The following BABAM2 variants were observed in gnomAD, a reference collection of about 807,000 sequenced individuals.
BABAM2 encodes BRISC and BRCA1-A complex member 2.
In BABAM2, 31 loss-of-function variants were observed where a neutral mutation model predicts 54.7. The observed-to-expected ratio is 0.57, with a 90% CI of 0.43 to 0.77. BABAM2 has a LOEUF of 0.77. Among genes scored for constraint, BABAM2 ranks in the 30% least tolerant of loss-of-function variants. BABAM2 has a pLI of 0.00. For missense variants in BABAM2, 364 were observed against 455.8 expected (o/e 0.80, Z 1.83); for synonymous variants, 167 against 162.9 (o/e 1.03, Z -0.19).
chr2:28,023,487 T>C (rs1324888012), intron 4 of BABAM2, among the ~76,000 whole-genome samples: 1 of 152,216 alleles, frequency 6.6e-6, no homozygotes. Flanking sequence ...TTGAATTTAG[T>C]CTTGAACAGC....
intron 2 of BABAM2, among the ~76,000 whole-genome samples, chr2:27,897,805 T>C (rs1665460554): frequency 6.6e-6 from 1 of 152,192 alleles, no homozygotes; most frequent in Admixed American, 6.5e-5. Flanking sequence ...CACATTATTA[T>C]AGACAATCTA....
chr2:28,195,436 A>G (rs1677413384), intron 7 of BABAM2, among the ~76,000 whole-genome samples: 1 of 152,188 alleles, frequency 6.6e-6, no homozygotes. Context: ...TTGTTTTGAC[A>G]TTCAGATATC....
rs759768909 is a variant in BABAM2 at position 28,298,429 on chromosome 2, G to C, written c.1026G>C (p.Gln342His). The stretch of plus-strand genomic sequence containing the variant: ...CCAACAGTGGACAGCTTTACTCCCA[G>C]GCCCAAAAAAATTATCCGTACAGCC... ...HFTNSGQLYS[Q>H]AQKNYPYSPR... is the part of the protein sequence containing the mutation. The change falls in exon 11 of 12, where the codon CAG becomes CAC. Residue 342 changes from glutamine (Q) to histidine (H), a missense_variant. Coordinates refer to ENST00000379624, the MANE Select transcript of BABAM2 (RefSeq NM_199191.3). The C allele has an allele frequency of 6.2e-7, 1 of 1,614,084 alleles. No individual in the cohort carries two copies. The highest frequency in any genetic ancestry group is 1.1e-5 in the South Asian group (1 of 91,082).
intron 3 of BABAM2, among the ~76,000 whole-genome samples, chr2:27,986,941 C>T (rs1417991044): frequency 6.6e-6 from 1 of 152,060 alleles, no homozygotes. Flanking sequence ...AAAAAGGGAG[C>T]TACAGAAGAA....
At chr2:28,276,803 T>C (rs192114035) in intron 10 of BABAM2, among the ~76,000 whole-genome samples, 1 of 152,252 alleles carries the variant, frequency 6.6e-6, no homozygotes, top group Non-Finnish European at 1.5e-5. Context: ...CTTCATCTCC[T>C]TCACTCTTTA....
At chr2:28,279,660 C>CTTTTTTT (rs59747836) in intron 10 of BABAM2, among the ~76,000 whole-genome samples, 6 of 100,274 alleles carry the variant, frequency 6.0e-5, no homozygotes, top group Non-Finnish European at 9.7e-5. Flanking sequence ...AGCTCAAAGG[C>CTTTTTTT]TTTTTTTTTT....
At chr2:28,186,302 G>C (rs561174942) in intron 7 of BABAM2, among the ~76,000 whole-genome samples, 1 of 152,268 alleles carries the variant, frequency 6.6e-6, no homozygotes, top group Non-Finnish European at 1.5e-5. Context: ...TCTATCTGTG[G>C]TTAGCCCTGT....
At chr2:27,926,380 C>A (rs1424961296) in intron 2 of BABAM2, among the ~76,000 whole-genome samples, 2 of 152,098 alleles carry the variant, frequency 1.3e-5, no homozygotes, top group South Asian at 4.1e-4. Context: ...AGATTTCTTC[C>A]CCAGATGTAC....
chr2:28,337,125 A>G (rs943720059), intron 11 of BABAM2, among the ~76,000 whole-genome samples: 4 of 151,862 alleles, frequency 2.6e-5, no homozygotes, highest in Non-Finnish European at 5.9e-5. Flanking sequence ...CTGAGGTGAG[A>G]TATCTGGACA....
chr2:27,901,293 T>C (rs936128962), intron 2 of BABAM2, among the ~76,000 whole-genome samples: 56 of 152,286 alleles, frequency 3.7e-4, no homozygotes, highest in Non-Finnish European at 6.5e-4. Context: ...TAAGTGTCTG[T>C]TCAGCATTCT....
chr2:27,925,643 C>CT (rs1667638582), intron 2 of BABAM2, among the ~76,000 whole-genome samples: 1 of 152,136 alleles, frequency 6.6e-6, no homozygotes, highest in Non-Finnish European at 1.5e-5. Flanking sequence ...GTAGCGATGT[C>CT]TTTCCTTAAA....
intron 2 of BABAM2, among the ~76,000 whole-genome samples, chr2:27,906,028 A>G (rs1666166869): frequency 6.6e-6 from 1 of 152,216 alleles, no homozygotes; most frequent in African/African-American, 2.4e-5. Flanking sequence ...TACATGCAAC[A>G]GTTGTTAACA....
chr2:28,087,863 T>TG (rs1358486957), intron 6 of BABAM2, among the ~76,000 whole-genome samples: 1 of 152,196 alleles, frequency 6.6e-6, no homozygotes, highest in Non-Finnish European at 1.5e-5. Context: ...TTGGCCAGGC[T>TG]GGTCTCAAAC....
chr2:28,076,950 G>A (rs910522520), intron 6 of BABAM2, among the ~76,000 whole-genome samples: 2 of 152,138 alleles, frequency 1.3e-5, no homozygotes, highest in African/African-American at 4.8e-5. Flanking sequence ...GATAAGCAAG[G>A]TTTTATCAAC....
intron 3 of BABAM2, among the ~76,000 whole-genome samples, chr2:27,985,015 G>A (rs1672298124): frequency 6.6e-6 from 1 of 150,464 alleles, no homozygotes; most frequent in South Asian, 2.1e-4. Context: ...TGCTGCAAAT[G>A]CCATTATTTT....
At chr2:27,942,150 T>C (rs752519883) in intron 3 of BABAM2, among the ~76,000 whole-genome samples, 1 of 152,178 alleles carries the variant, frequency 6.6e-6, no homozygotes, top group African/African-American at 2.4e-5. Flanking sequence ...TCATTACTTA[T>C]GTAGCACAAT....
chr2:28,294,826 G>A lies in BABAM2; in HGVS notation c.935-3512G>A, dbSNP rs74324005. Reference sequence around the variant, plus strand: ...AATTTTATTTTCTCATATGTGAATTGCCAGTTTTATCTCTGAAGTACTCTG... The same window carrying A: ...AATTTTATTTTCTCATATGTGAATTACCAGTTTTATCTCTGAAGTACTCTG... On this transcript the variant is annotated intron_variant, in intron 10 of 11. Transcript: ENST00000379624. Among the ~76,000 whole-genome samples, 1,086 of 152,246 alleles carry A rather than the reference G, an allele frequency of 7.1e-3. 9 individuals carry two copies. Among genetic ancestry groups the A allele is most frequent in the African/African-American group, 0.025 (1,029 of 41,540 alleles).
chr2:28,170,602 G>C (rs1674215327), intron 7 of BABAM2, among the ~76,000 whole-genome samples: 1 of 151,946 alleles, frequency 6.6e-6, no homozygotes, highest in Admixed American at 6.6e-5. Flanking sequence ...TAAAAGCTAT[G>C]CTCCATATCT....
chr2:28,181,784 ATTT>A (rs538738175), intron 7 of BABAM2, among the ~76,000 whole-genome samples: 3 of 142,448 alleles, frequency 2.1e-5, no homozygotes, highest in Non-Finnish European at 3.1e-5. Context: ...CACCAATAAA[ATTT>A]TTTTTTTAAA....
Sources: gnomAD v4.1 joint callset for allele counts (sites outside exome capture counted in the v4.1 genomes callset) on GRCh38, gnomAD v4.1.1 for gene constraint, MANE v1.5 for transcripts, NCBI Gene and HGNC (gene_info 2026-07-23, HGNC 2026-07-21) for gene names.